The following RIPOR2 variants were observed in gnomAD, a reference collection of about 807,000 sequenced individuals.
RIPOR2 encodes RHO family interacting cell polarization regulator 2.
RIPOR2 carries 39 observed loss-of-function variants against 114.5 expected under a neutral mutation model. The ratio of observed to expected loss-of-function variants is 0.34; its 90% CI spans 0.26 to 0.44. The LOEUF is 0.44. Ranked by LOEUF, RIPOR2 falls within the 20% of genes least tolerant of loss-of-function variation. The pLI is 1.00. For missense variants in RIPOR2, 1,007 were observed against 1,255.1 expected (o/e 0.80, Z 2.99); for synonymous variants, 445 against 484.4 (o/e 0.92, Z 1.07).
intron 13 of RIPOR2, among the ~76,000 whole-genome samples, chr6:24,841,463 A>C (rs916884806): frequency 6.6e-6 from 1 of 152,200 alleles, no homozygotes; most frequent in African/African-American, 2.4e-5. Context: ...GAGGACCTGG[A>C]GAGTCAGGAC....
intron 17 of RIPOR2, among the ~76,000 whole-genome samples, chr6:24,829,955 C>T (rs1760527116): frequency 6.6e-6 from 1 of 152,072 alleles, no homozygotes; most frequent in South Asian, 2.1e-4. Flanking sequence ...AATAACAATA[C>T]ATAAGAATGT....
intron 21 of RIPOR2, among the ~76,000 whole-genome samples, chr6:24,807,286 G>A (rs921205585): frequency 6.6e-6 from 1 of 152,144 alleles, no homozygotes; most frequent in Non-Finnish European, 1.5e-5. Flanking sequence ...GATCAACACA[G>A]TGAAACCCCA....
rs193047942 is a variant in RIPOR2, at chr6:24,976,598, C to T, written c.76+65253G>A. 3.9e-5 allele frequency: 63 copies of T among 1,607,378 alleles called. No individual in the cohort carries two copies. The African/African-American group carries it at 7.7e-4, about 20-fold the overall frequency. On this transcript the variant is annotated intron_variant, in intron 1 of 13. Transcript: ENST00000510784. ...CCAAAGACAGCAGAAAATTTTCGTG[C>T]TCTGAGCACTGGAGAGAAAGGATTT...
intron 11 of RIPOR2, 82 bp downstream of exon 11, chr6:24,849,720 G>A (rs781530015): frequency 1.1e-4 from 131 of 1,244,694 alleles, no homozygotes; most frequent in Non-Finnish European, 1.4e-4. Context: ...CTGGTGATGC[G>A]GATGGTCCAT....
chr6:24,958,252 T>C (rs1773136195), intron 1 of RIPOR2, among the ~76,000 whole-genome samples: 2 of 152,198 alleles, frequency 1.3e-5, no homozygotes, highest in African/African-American at 2.4e-5. Context: ...TAAATAATGT[T>C]GACATGTGCA....
In RIPOR2 at chr6:24,825,336, C is replaced by T; in HGVS notation, c.2758G>A (p.Glu920Lys). ...AGCAGAGCCAGAGTCCTGAGTACTT[C>T]CTGCTGGGCCAGGAGGTTGCTGGGA... ...LAPSNLLAQQ[E>K]VLRTLALLLT... Residue 920 changes from glutamate (E) to lysine (K), a missense_variant, in exon 19 of 22, where the codon GAA becomes AAA. Physicochemically the swap from Glu to Lys is moderately conservative, Grantham distance 56. Coordinates refer to ENST00000643898, the MANE Select transcript of RIPOR2 (RefSeq NM_001286445.3). The T allele has an allele frequency of 6.4e-7, 1 of 1,551,928 alleles. No individual in the cohort carries two copies. Among genetic ancestry groups the T allele is most frequent in the African/African-American group, 1.4e-5 (1 of 73,132 alleles).
At chr6:24,927,054 C>T (rs777954276) in intron 1 of RIPOR2, among the ~76,000 whole-genome samples, 153 of 418 alleles carry the variant, frequency 0.37, 7 homozygotes, top group East Asian at 0.5. Context: ...CTCACTACCA[C>T]CACCACCACC....
intron 9 of RIPOR2, among the ~76,000 whole-genome samples, chr6:24,851,750 A>G (rs993937352): frequency 2.3e-5 from 3 of 130,650 alleles, no homozygotes; most frequent in Non-Finnish European, 3.3e-5. Context: ...TTGGATCAGG[A>G]AAAAAAAAAA....
chr6:24,829,593 T>A (rs1262684461), intron 17 of RIPOR2, among the ~76,000 whole-genome samples: 1 of 152,202 alleles, frequency 6.6e-6, no homozygotes, highest in Non-Finnish European at 1.5e-5. Flanking sequence ...CATCACTGCG[T>A]TCCCCCTGGA....
At chr6:24,986,485 G>A (rs1774533460) in intron 1 of RIPOR2, among the ~76,000 whole-genome samples, 1 of 152,092 alleles carries the variant, frequency 6.6e-6, no homozygotes, top group African/African-American at 2.4e-5. Context: ...AGGAACTAGT[G>A]CAAAACAGGT....
At chr6:24,974,311 A>G (rs1390742813) in intron 1 of RIPOR2, among the ~76,000 whole-genome samples, 1 of 152,198 alleles carries the variant, frequency 6.6e-6, no homozygotes, top group Non-Finnish European at 1.5e-5. Flanking sequence ...TCCAGGCTGC[A>G]GTGAGCCGTG....
chr6:24,835,895 A>G, intron 14 of RIPOR2, 24 bp from the exon 15 acceptor site: 1 of 1,550,248 alleles, frequency 6.5e-7, no homozygotes, highest in Non-Finnish European at 8.7e-7. Context: ...GCAAAACATT[A>G]GCTATTCTTT....
chr6:25,032,612 T>C (rs990380763), intron 1 of RIPOR2, among the ~76,000 whole-genome samples: 4 of 152,172 alleles, frequency 2.6e-5, no homozygotes, highest in African/African-American at 9.7e-5. Context: ...ACCTTTAAAA[T>C]AGCCCAGTTT....
At chr6:25,017,347 A>C (rs1776060509) in intron 1 of RIPOR2, among the ~76,000 whole-genome samples, 1 of 152,244 alleles carries the variant, frequency 6.6e-6, no homozygotes, top group Admixed American at 6.5e-5. Context: ...CCATTTAGGC[A>C]GAGCAAAAGC....
intron 1 of RIPOR2, among the ~76,000 whole-genome samples, chr6:25,019,774 C>CAAAAAAAAAAAAAACA (rs1776214188): frequency 1.9e-5 from 1 of 53,122 alleles, no homozygotes; most frequent in East Asian, 8.3e-4. Context: ...GACTCTGTCT[C>CAAAAAAAAAAAAAACA]AAAAAAAAAA....
chr6:24,991,622 A>G (rs1774819436), intron 1 of RIPOR2, among the ~76,000 whole-genome samples: 1 of 152,182 alleles, frequency 6.6e-6, no homozygotes, highest in South Asian at 2.1e-4. Flanking sequence ...TCACAACCAA[A>G]CCTCACTGTG....
Position 24,824,428 on chromosome 6 carries a change from C to A in RIPOR2, c.2868+798G>T, listed in dbSNP as rs11966467. Among the ~76,000 whole-genome samples, 1,404 of 152,256 alleles carry A rather than the reference C, an allele frequency of 9.2e-3. 25 individuals are homozygous for A. Among genetic ancestry groups the A allele is most frequent in the African/African-American group, 0.031 (1,268 of 41,552 alleles). On this transcript the variant is annotated intron_variant, in intron 19 of 21. Transcript: ENST00000643898. ...AAACAAACGGAGTTCAACATGGGAC[C>A]TTTTCAAGGACAAGGAGAGGCCATG...
chr6:24,840,616 AG>A, intron 13 of RIPOR2: 1 of 1,521,106 alleles, frequency 6.6e-7, no homozygotes, highest in Non-Finnish European at 8.8e-7. Context: ...CAAGGTAGGA[AG>A]GGCCTTGCAG....
At chr6:24,920,972 T>C (rs73731441) in intron 1 of RIPOR2, among the ~76,000 whole-genome samples, 5,752 of 152,258 alleles carry the variant, frequency 0.038, 328 homozygotes, top group African/African-American at 0.12. Flanking sequence ...ACCTACCTTT[T>C]CCCCTATTCC....
Sources: allele counts gnomAD v4.1 joint callset (sites outside exome capture counted in the v4.1 genomes callset), GRCh38; gene constraint gnomAD v4.1.1; transcripts MANE v1.5; gene names NCBI Gene and HGNC (gene_info 2026-07-23, HGNC 2026-07-21).